Variants in LLGL1 observed in about 807,000 individuals in gnomAD.
The protein encoded by LLGL1 is lethal(2) giant larvae protein homolog 1.
A neutral mutation model predicts 110.6 loss-of-function variants in LLGL1; 58 were observed. The ratio of observed to expected loss-of-function variants is 0.52; its 90% confidence interval spans 0.42 to 0.65. The LOEUF (loss-of-function observed/expected upper bound fraction) is 0.65. LLGL1 is among the 30% of genes least tolerant of loss of function. The pLI is 0.00. For missense variants in LLGL1, 1,229 were observed against 1,462.1 expected (o/e 0.84, Z 2.60); for synonymous variants, 674 against 607.2 (o/e 1.11, Z -1.62).
At chr17:18,238,668 C>A (rs1013502756) in intron 16 of LLGL1, 59 bp downstream of exon 16, 24 of 1,528,070 alleles carry the variant, frequency 1.6e-5, no homozygotes, top group African/African-American at 2.7e-5. Flanking sequence ...CCTCAATTGG[C>A]CACCTGGGAG....
chr17:18,234,270 C>T lies in LLGL1; in HGVS notation c.715-3C>T, dbSNP rs2047639298. ...CTGCCTGCCTGCCCCTGCCTGCCCG[C>T]AGCAGCTGGAGAGCCTATGCTGGGG... is the stretch of plus-strand genomic sequence containing the variant. On this transcript the variant is annotated splice_polypyrimidine_tract_variant and splice_region_variant and intron_variant, in intron 6 of 22. Coordinates refer to ENST00000316843, the MANE Select transcript of LLGL1 (RefSeq NM_004140.4). 7 of 1,599,648 alleles carry T rather than the reference C, an allele frequency of 4.4e-6. No individual in the cohort carries two copies. The South Asian group carries it at 7.8e-5, about 18-fold the overall frequency.
chr17:18,234,891 C>T lies in LLGL1; in HGVS notation c.958C>T (p.Arg320Cys), dbSNP rs1471753872. 3.0e-5 allele frequency: 49 copies of T among 1,613,922 alleles called. No homozygotes were observed. Among genetic ancestry groups the T allele is most frequent in the Admixed American group, 5.0e-5 (3 of 59,982 alleles). ...CATGCCCCGTGCCAGCTATGGTGAC[C>T]GCCACTGTGTAAGTGTGCTTCGAGC... ...GGMPRASYGDRHCVSVLRAET... is the reference protein window; with the variant it reads ...GGMPRASYGDCHCVSVLRAET... The change falls in exon 9 of 23, where the codon CGC becomes TGC. Residue 320 changes from arginine (R) to cysteine (C), a missense_variant. Arg to Cys is a radical substitution (Grantham distance 180, BLOSUM62 -3). Transcript: ENST00000316843.
chr17:18,228,300 G>A (rs1203554062), intron 1 of LLGL1, among the ~76,000 whole-genome samples: 5 of 152,190 alleles, frequency 3.3e-5, no homozygotes, highest in South Asian at 2.1e-4. Flanking sequence ...GATTACTCCT[G>A]AGCGACAGGA....
rs769797615 is a variant in LLGL1 at position 18,234,418 on chromosome 17, G to A, written c.850+10G>A. The A allele has an allele frequency of 1.9e-6, 3 of 1,611,264 alleles. No homozygotes were observed. Among genetic ancestry groups the A allele is most frequent in the African/African-American group, 2.7e-5 (2 of 75,036 alleles). ...GCCACCACACCTTACGGTGAGTGCT[G>A]GGGACACCTTAGCCAGAGGGTGGTG... On this transcript the variant is annotated intron_variant, in intron 7 of 22. Coordinates refer to ENST00000316843, the MANE Select transcript of LLGL1 (RefSeq NM_004140.4).
chr17:18,238,436 C>G lies in LLGL1; in HGVS notation c.2053-20C>G, dbSNP rs746183313. The G allele has an allele frequency of 6.3e-7, 1 of 1,598,078 alleles. No homozygotes were observed. Among genetic ancestry groups the G allele is most frequent in the Non-Finnish European group, 8.5e-7 (1 of 1,171,378 alleles). ...ACTGGGGTGCTAGGGAGACAGTGTT[C>G]AGGAGCCCCCGCCCGGCAGTTGCAG... On this transcript the variant is annotated intron_variant, in intron 15 of 22. Transcript: ENST00000316843.
Position 18,235,302 on chromosome 17 carries a change from C to T in LLGL1, c.1274C>T (p.Ser425Phe), listed in dbSNP as rs751001689. Reference sequence around the variant, plus strand: ...GAGCAGCAGAGCCCCCAGCCTGTCTCCAGTGCCTTGGTGTGTGCGGCGATC... The same window carrying T: ...GAGCAGCAGAGCCCCCAGCCTGTCTTCAGTGCCTTGGTGTGTGCGGCGATC... ...AGEQQSPQPV[S>F]SALSWPITGG... The change falls in exon 10 of 23, where the codon TCC becomes TTC. Residue 425 changes from serine (S) to phenylalanine (F), a missense_variant. Ser to Phe is a radical substitution (Grantham distance 155, BLOSUM62 -2). Coordinates refer to ENST00000316843, the MANE Select transcript of LLGL1 (RefSeq NM_004140.4). 6.2e-7 allele frequency: 1 copy of T among 1,610,444 alleles called. No homozygotes were observed.
At position 18,240,158 on chromosome 17, in the gene LLGL1, G is replaced by T. The variant is rs1379930311; in HGVS notation, c.2207-420G>T. ...CACACCTGTCGACAGGACTAGCAAGGGGACGCAGGGGTGGAGAGAGGAGTC... is the reference window on the plus strand; with the variant it reads ...CACACCTGTCGACAGGACTAGCAAGTGGACGCAGGGGTGGAGAGAGGAGTC... On this transcript the variant is annotated intron_variant, in intron 16 of 22. Coordinates refer to ENST00000316843, the MANE Select transcript of LLGL1 (RefSeq NM_004140.4). The surrounding 1 kb of genome is among the most constrained non-coding windows in gnomAD (Gnocchi z 5.3). Among the ~76,000 whole-genome samples, 1 of 152,158 alleles carries T rather than the reference G, an allele frequency of 6.6e-6. No homozygotes were observed. The highest frequency in any genetic ancestry group is 1.5e-5 in the Non-Finnish European group (1 of 68,028).
intron 1 of LLGL1, among the ~76,000 whole-genome samples, chr17:18,227,327 G>A (rs73980857): frequency 0.018 from 2,746 of 152,232 alleles, 63 homozygotes; most frequent in African/African-American, 0.051. Flanking sequence ...CGGGGAGGCT[G>A]TGAGGGTGAG....
intron 16 of LLGL1, among the ~76,000 whole-genome samples, chr17:18,239,682 G>C (rs760204648): frequency 1.3e-5 from 2 of 152,082 alleles, no homozygotes; most frequent in African/African-American, 2.4e-5. Context: ...TTTATTTGTC[G>C]AGGGTCTTTG....
At chr17:18,236,316 G>T in intron 11 of LLGL1, 1 of 419,044 alleles carries the variant, frequency 2.4e-6, no homozygotes, top group Non-Finnish European at 4.3e-6. Context: ...AAAGTCCTCT[G>T]TTCTCTACAT....
In LLGL1 at chr17:18,234,116, C is replaced by T; in HGVS notation, c.655C>T (p.Leu219=). The change falls in exon 6 of 23, where the codon CTG becomes TTG. Residue 219 remains leucine (L), a synonymous_variant. Transcript: ENST00000316843. Reference sequence around the variant, plus strand: ...GATTCTCATTGGCTACAGCCGGGGCCTGCTGGTCATCTGGAACCAGGCCTC... The same window carrying T: ...GATTCTCATTGGCTACAGCCGGGGCTTGCTGGTCATCTGGAACCAGGCCTC... ...TKILIGYSRG[L]LVIWNQASQC... is the part of the protein sequence containing the mutation. 1.2e-6 allele frequency: 2 copies of T among 1,612,130 alleles called. No homozygotes were observed. Among genetic ancestry groups the T allele is most frequent in the Non-Finnish European group, 1.7e-6 (2 of 1,179,054 alleles).
intron 18 of LLGL1, 57 bp downstream of exon 18, chr17:18,241,772 C>T: frequency 6.2e-7 from 1 of 1,608,176 alleles, no homozygotes; most frequent in Non-Finnish European, 8.5e-7. Flanking sequence ...TGAGTGGGAC[C>T]AGTACTGCTT....
chr17:18,235,733 T>C (rs2142632269), intron 11 of LLGL1, 196 bp downstream of exon 11: 1 of 597,232 alleles, frequency 1.7e-6, no homozygotes, highest in Non-Finnish European at 3.0e-6. Flanking sequence ...GATCTGCCTT[T>C]TGGCCTGGAA....
chr17:18,235,121 C>T lies in LLGL1; in HGVS notation c.1093C>T (p.Leu365=), dbSNP rs2047662840. ...TGACCCCCAGGCCCTGGCTGTGCTGCTGGAAGAGGAGCTGGTGGTGCTGGA... is the reference window on the plus strand; with the variant it reads ...TGACCCCCAGGCCCTGGCTGTGCTGTTGGAAGAGGAGCTGGTGGTGCTGGA... ...FDDPQALAVL[L]EEELVVLDLQ... Residue 365 remains leucine (L), a synonymous_variant, in exon 10 of 23, where the codon CTG becomes TTG. Transcript: ENST00000316843. The T allele has an allele frequency of 1.2e-6, 2 of 1,613,784 alleles. No individual in the cohort carries two copies. Among genetic ancestry groups the T allele is most frequent in the South Asian group, 1.1e-5 (1 of 91,094 alleles).
chr17:18,244,333 C>T lies in LLGL1; in HGVS notation c.*427C>T, dbSNP rs1020713347. ...CTCTGCTCACTGCAAGCCCCGCCTTCTGGGTTCCCGCCATTCTTCTGCCTC... is the reference window on the plus strand; with the variant it reads ...CTCTGCTCACTGCAAGCCCCGCCTTTTGGGTTCCCGCCATTCTTCTGCCTC... On this transcript the variant is annotated 3_prime_UTR_variant, in exon 23 of 23. Coordinates refer to ENST00000316843, the MANE Select transcript of LLGL1 (RefSeq NM_004140.4). The T allele has an allele frequency of 2.0e-5, 3 of 151,686 alleles. No individual in the cohort carries two copies. The highest frequency in any genetic ancestry group is 3.1e-3 in the Middle Eastern group (1 of 318). The allele number at this position is 151,686 out of a possible 1,614,324, so 9.4% of individuals were successfully genotyped here.
At chr17:18,228,114 C>A (rs2047490885) in intron 1 of LLGL1, among the ~76,000 whole-genome samples, 1 of 152,174 alleles carries the variant, frequency 6.6e-6, no homozygotes, top group Admixed American at 6.6e-5. Context: ...CCTGTTAACT[C>A]AGGTGGCTGA....
At chr17:18,238,033 C>T (rs766531733) in intron 14 of LLGL1, 34 bp from the exon 15 acceptor site, 93 of 1,609,372 alleles carry the variant, frequency 5.8e-5, no homozygotes, top group Non-Finnish European at 7.6e-5. Context: ...CAGGAGGCTG[C>T]TCTATAGCAC....
Position 18,234,324 on chromosome 17 carries a change from C to G in LLGL1, c.766C>G (p.His256Asp), listed in dbSNP as rs768739480. Residue 256 changes from histidine (H) to aspartate (D), a missense_variant, in exon 7 of 23, where the codon CAC becomes GAC. Coordinates refer to ENST00000316843, the MANE Select transcript of LLGL1 (RefSeq NM_004140.4). ...GRDSSTVVSS[H>D]SDGSYAVWSV... ...TGATAGCAGCACTGTGGTCAGCTCA[C>G]ACAGCGATGGCAGCTATGCTGTCTG... 6.2e-7 allele frequency: 1 copy of G among 1,611,856 alleles called. No individual in the cohort carries two copies. The highest frequency in any genetic ancestry group is 8.5e-7 in the Non-Finnish European group (1 of 1,179,272).
At position 18,244,872 on chromosome 17, in the gene LLGL1, T is replaced by C. The variant is rs1425530514; in HGVS notation, c.*966T>C. On this transcript the variant is annotated 3_prime_UTR_variant, in exon 23 of 23. Coordinates refer to ENST00000316843, the MANE Select transcript of LLGL1 (RefSeq NM_004140.4). ...GAAAATAAAAGCATTTAATATCTCT[T>C]AAAGGGCATCCACATCTGCTTTATC... 4.4e-6 allele frequency: 2 copies of C among 450,902 alleles called. No homozygotes were observed. The highest frequency in any genetic ancestry group is 7.9e-6 in the Non-Finnish European group (2 of 254,662). The allele number at this position is 450,902 out of a possible 1,614,324, so 27.9% of individuals were successfully genotyped here. A position where few individuals can be genotyped will look rare whatever the true frequency, so the allele number is the denominator to read the frequency against.
Sources: gnomAD v4.1 joint callset for allele counts (sites outside exome capture counted in the v4.1 genomes callset) on GRCh38, gnomAD v4.1.1 for gene constraint, Gnocchi (gnomAD v3.1) non-coding constraint, MANE v1.5 for transcripts, NCBI Gene and HGNC (gene_info 2026-07-23, HGNC 2026-07-21) for gene names.